Variants in ZFHX3 observed in about 807,000 individuals in gnomAD.
ZFHX3 encodes the protein zinc finger homeobox 3, also known as zinc finger homeobox protein 3.
A neutral mutation model predicts 279.1 loss-of-function variants in ZFHX3; 42 were observed. The observed-to-expected ratio is 0.15, with a 90% confidence interval of 0.12 to 0.19. The LOEUF is 0.19. Ranked by LOEUF, ZFHX3 falls within the 10% of genes least tolerant of loss-of-function variation. The pLI, the probability that ZFHX3 is intolerant of heterozygous loss-of-function variation, is 1.00. For synonymous variants in ZFHX3, 2,293 were observed against 1,957.8 expected, an observed-to-expected ratio of 1.17 and a Z score of -4.52; for missense variants, 4,981 against 4,754.0, an observed-to-expected ratio of 1.05 and a Z score of -1.40.
At chr16:73,189,007 G>A (rs747584493) in intron 5 of ZFHX3, among the ~76,000 whole-genome samples, 12 of 151,930 alleles carry the variant, frequency 7.9e-5, no homozygotes, top group Non-Finnish European at 1.6e-4. Flanking sequence ...GGGATTACAG[G>A]CGCAAGCTAC....
At chr16:73,036,126 G>A (rs554015012) in intron 1 of ZFHX3, among the ~76,000 whole-genome samples, 21 of 152,152 alleles carry the variant, frequency 1.4e-4, no homozygotes, top group African/African-American at 4.3e-4. Flanking sequence ...GCGTGCGCGC[G>A]CATAGACAGA....
chr16:73,692,553 C>T (rs184570515), intron 1 of ZFHX3, among the ~76,000 whole-genome samples: 1 of 152,244 alleles, frequency 6.6e-6, no homozygotes, highest in East Asian at 1.9e-4. Context: ...ACAAAGGTTG[C>T]CTCTGTATAT....
chr16:72,998,404 AAAT>A (rs2144588921), intron 1 of ZFHX3, among the ~76,000 whole-genome samples: 1 of 152,356 alleles, frequency 6.6e-6, no homozygotes, highest in African/African-American at 2.4e-5. Context: ...CTGTCTCAAA[AAAT>A]AATAATACTA....
chr16:73,096,245 G>C (rs537285915), intron 7 of ZFHX3, among the ~76,000 whole-genome samples: 5 of 151,876 alleles, frequency 3.3e-5, no homozygotes, highest in African/African-American at 1.2e-4. Context: ...TGCTCCTTAT[G>C]ACTCCCAGTG....
chr16:73,785,370 A>C (rs1184703783), intron 1 of ZFHX3, among the ~76,000 whole-genome samples: 1 of 152,182 alleles, frequency 6.6e-6, no homozygotes, highest in Non-Finnish European at 1.5e-5. Flanking sequence ...TCTGTGAATA[A>C]ATTTAAATAC....
chr16:73,167,211 T>A (rs996824024), intron 5 of ZFHX3, among the ~76,000 whole-genome samples: 8 of 152,246 alleles, frequency 5.3e-5, no homozygotes, highest in African/African-American at 1.9e-4. Context: ...TAAACAACAC[T>A]GAGTAATAGG....
chr16:73,631,925 T>TCACA (rs1253240451), intron 2 of ZFHX3, among the ~76,000 whole-genome samples: 44 of 90,946 alleles, frequency 4.8e-4, no homozygotes, highest in Admixed American at 2.0e-3. Context: ...TCTCTCTCTC[T>TCACA]CTCACACACA....
At position 73,310,290 on chromosome 16, in the gene ZFHX3, C is replaced by T. The variant is rs142437265; in HGVS notation, c.-1194+7950G>A. On this transcript the variant is annotated intron_variant, in intron 4 of 17. Transcript: ENST00000641206. The stretch of plus-strand genomic sequence containing the variant: ...GTGGTGGTGAAATGGGAGCATTCCA[C>T]CCTGGCAGGAAAGCTAGTTTTATTA... Among the ~76,000 whole-genome samples, 137 of 152,188 alleles carry T rather than the reference C, an allele frequency of 9.0e-4. 1 individual carries two copies. The highest frequency in any genetic ancestry group is 7.7e-3 in the East Asian group (40 of 5,172).
chr16:73,804,970 G>A (rs1396525936), intron 1 of ZFHX3, among the ~76,000 whole-genome samples: 1 of 141,818 alleles, frequency 7.1e-6, no homozygotes, highest in Admixed American at 6.8e-5. Context: ...GAGGGAGGGA[G>A]GGAGAGAGAG....
chr16:72,970,049 C>A (rs1006883450), intron 1 of ZFHX3, among the ~76,000 whole-genome samples: 2 of 152,150 alleles, frequency 1.3e-5, no homozygotes, highest in Admixed American at 1.3e-4. Flanking sequence ...CATAAATCAG[C>A]CTAGAAGTGA....
intron 3 of ZFHX3, among the ~76,000 whole-genome samples, chr16:73,384,000 A>C (rs900932453): frequency 6.6e-6 from 1 of 152,224 alleles, no homozygotes; most frequent in South Asian, 2.1e-4. Flanking sequence ...CCACGAACAC[A>C]CTTCAAAGAA....
intron 2 of ZFHX3, among the ~76,000 whole-genome samples, chr16:73,639,471 T>A (rs2052555424): frequency 1.3e-5 from 2 of 152,208 alleles, no homozygotes; most frequent in African/African-American, 4.8e-5. Context: ...TTTATTAACA[T>A]GCTCTTGAGA....
At chr16:73,822,422 CT>C (rs1418749786) in intron 1 of ZFHX3, among the ~76,000 whole-genome samples, 4 of 152,178 alleles carry the variant, frequency 2.6e-5, no homozygotes, top group African/African-American at 9.7e-5. Flanking sequence ...TGTAAAGGTC[CT>C]AAAATACAAT....
At chr16:73,219,424 G>T (rs565826607) in intron 5 of ZFHX3, among the ~76,000 whole-genome samples, 1 of 152,170 alleles carries the variant, frequency 6.6e-6, no homozygotes, top group Non-Finnish European at 1.5e-5. Flanking sequence ...GGGCAGGCCA[G>T]AAATAAAGCA....
intron 2 of ZFHX3, among the ~76,000 whole-genome samples, chr16:73,524,473 C>A (rs181079630): frequency 7.9e-5 from 12 of 152,160 alleles, no homozygotes; most frequent in African/African-American, 2.4e-4. Flanking sequence ...GGGCAGAAAT[C>A]ATCTTTGTGG....
At chr16:73,278,115 C>T (rs891196638) in intron 4 of ZFHX3, among the ~76,000 whole-genome samples, 1 of 152,066 alleles carries the variant, frequency 6.6e-6, no homozygotes, top group African/African-American at 2.4e-5. Flanking sequence ...ATGTTTGTGT[C>T]CAAAAGGGAA....
chr16:73,391,913 C>T (rs2017020490), intron 3 of ZFHX3, among the ~76,000 whole-genome samples: 1 of 152,110 alleles, frequency 6.6e-6, no homozygotes, highest in Admixed American at 6.6e-5. Context: ...AACAGAACCA[C>T]TGAAAACAGA....
At chr16:73,505,638 C>T (rs2019314324) in intron 2 of ZFHX3, among the ~76,000 whole-genome samples, 1 of 152,076 alleles carries the variant, frequency 6.6e-6, no homozygotes, top group Non-Finnish European at 1.5e-5. Flanking sequence ...CAATTCTGGT[C>T]TAAAGGAGCC....
intron 8 of ZFHX3, among the ~76,000 whole-genome samples, chr16:73,082,741 A>G (rs1481134240): frequency 6.6e-6 from 1 of 152,146 alleles, no homozygotes; most frequent in African/African-American, 2.4e-5. Flanking sequence ...CACTGCTCAT[A>G]AAAATCAGCT....
Sources: allele counts gnomAD v4.1 joint callset (sites outside exome capture counted in the v4.1 genomes callset), GRCh38; gene constraint gnomAD v4.1.1; transcripts MANE v1.5; gene names NCBI Gene and HGNC (gene_info 2026-07-23, HGNC 2026-07-21).